Variants in MID2 observed in about 807,000 individuals in gnomAD.
The protein encoded by MID2 is midline 2, also known as probable E3 ubiquitin-protein ligase MID2.
Under a neutral mutation model 46.1 loss-of-function variants are expected in MID2, and 13 were observed. The ratio of observed to expected loss-of-function variants is 0.28; its 90% CI spans 0.18 to 0.45. The LOEUF is 0.45. MID2 is among the 20% of genes least tolerant of loss of function. The pLI, the probability that MID2 is intolerant of heterozygous loss-of-function variation, is 1.00. For synonymous variants in MID2, 199 were observed against 212.3 expected (o/e 0.94, Z 0.55); for missense variants, 431 against 575.4 (o/e 0.75, Z 2.57).
chrX:107,836,599 T>C (rs1293582857), intron 1 of MID2, among the ~76,000 whole-genome samples: 5 of 109,691 alleles, frequency 4.6e-5, no homozygotes, highest in Non-Finnish European at 9.5e-5. Context: ...TTTAGAGAGT[T>C]GTTGTGAAAA....
chrX:107,889,929 A>C (rs1354215895), intron 3 of MID2, among the ~76,000 whole-genome samples: 1 of 111,654 alleles, frequency 9.0e-6, no homozygotes, highest in Non-Finnish European at 1.9e-5. Context: ...AGGCTTGTGC[A>C]TTCATCACAT....
rs1422496660 is a variant in MID2 at position 107,924,416 on chromosome X, C to G, written c.1509C>G (p.Leu503=). 1.7e-6 allele frequency: 2 copies of G among 1,210,877 alleles called. No individual in the cohort carries two copies. The highest frequency in any genetic ancestry group is 5.9e-5 in the East Asian group (2 of 33,843). Residue 503 remains leucine (L), a synonymous_variant, in exon 8 of 10, where the codon CTC becomes CTG. Transcript: ENST00000262843. The part of the protein sequence containing the change: ...IKQNHYTVHG[L]QSGTRYIFIV... ...AGAACCATTACACAGTGCATGGACTCCAGAGCGGGACTCGCTACATCTTCA... is the reference window on the plus strand; with the variant it reads ...AGAACCATTACACAGTGCATGGACTGCAGAGCGGGACTCGCTACATCTTCA...
intron 3 of MID2, among the ~76,000 whole-genome samples, chrX:107,871,611 G>A (rs1446594779): frequency 1.8e-5 from 2 of 111,389 alleles, no homozygotes; most frequent in Non-Finnish European, 3.8e-5. Context: ...TGAACAAATT[G>A]GAGATGGTCA....
At chrX:107,881,798 G>A (rs191384184) in intron 3 of MID2, among the ~76,000 whole-genome samples, 151 of 112,240 alleles carry the variant, frequency 1.3e-3, no homozygotes, top group African/African-American at 4.7e-3. Context: ...ACTTTTTTAT[G>A]TAATCAGGAC....
intron 7 of MID2, among the ~76,000 whole-genome samples, 166 bp downstream of exon 7, chrX:107,917,905 CT>C (rs1331682657): frequency 8.9e-6 from 1 of 111,766 alleles, no homozygotes; most frequent in Non-Finnish European, 1.9e-5. Context: ...AACCCTTAGC[CT>C]TTCCTCAATT....
chrX:107,843,054 G>A (rs1335036579), intron 2 of MID2, among the ~76,000 whole-genome samples: 4 of 111,817 alleles, frequency 3.6e-5, no homozygotes, highest in Non-Finnish European at 7.5e-5. Flanking sequence ...TGTACATTTC[G>A]TGGTCATAGA....
intron 1 of MID2, among the ~76,000 whole-genome samples, chrX:107,838,984 C>G (rs35706580): frequency 0.21 from 22,522 of 109,637 alleles, 2,535 homozygotes; most frequent in African/African-American, 0.43. Context: ...GGTGGCATAC[C>G]CCTGGAGTTC....
At chrX:107,913,786 CT>C (rs1932925045) in intron 5 of MID2, among the ~76,000 whole-genome samples, 1 of 111,613 alleles carries the variant, frequency 9.0e-6, no homozygotes, top group Admixed American at 9.5e-5. Context: ...AATTTTGACC[CT>C]TTCCAATCCC....
intron 3 of MID2, among the ~76,000 whole-genome samples, chrX:107,884,851 A>T (rs1490303163): frequency 9.0e-6 from 1 of 111,710 alleles, no homozygotes; most frequent in East Asian, 2.8e-4. Context: ...CCTCATCCAT[A>T]AAATGCAGAC....
Position 107,895,384 on chromosome X carries a change from A to G in MID2, c.817-8574A>G, listed in dbSNP as rs1353843067. On this transcript the variant is annotated intron_variant, in intron 3 of 9. Coordinates refer to ENST00000262843, the MANE Select transcript of MID2 (RefSeq NM_012216.4). ...CACTGATATGTTCATCATTACTATA[A>G]TTTTCTCATTTCTAGAATGTTATGT... The G allele has an allele frequency of 5.4e-5, 6 of 111,280 alleles. No homozygotes were observed. In the South Asian group the frequency reaches 1.1e-3, roughly 21 times the overall value. 9.2% of individuals were successfully genotyped at this position (111,280 alleles called of 1,213,427 possible). A position where few individuals can be genotyped will look rare whatever the true frequency, so the allele number is the denominator to read the frequency against.
Position 107,891,330 on chromosome X carries a change from G to T in MID2, c.817-12628G>T, listed in dbSNP as rs1349177409. On this transcript the variant is annotated intron_variant, in intron 3 of 9. Transcript: ENST00000262843. Reference sequence around the variant, plus strand: ...GAGTCTCACCTTGTCACCCAGGCTGGAATGCAGTGGCGCAATCTCAGCTCA... The same window carrying T: ...GAGTCTCACCTTGTCACCCAGGCTGTAATGCAGTGGCGCAATCTCAGCTCA... Among the ~76,000 whole-genome samples, 24 of 104,373 alleles carry T rather than the reference G, an allele frequency of 2.3e-4. No homozygotes were observed. In the Admixed American group the frequency reaches 2.4e-3, roughly 10 times the overall value. 90.6% of individuals were successfully genotyped at this position (104,373 alleles called of 115,157 possible). A position where few individuals can be genotyped will look rare whatever the true frequency, so the allele number is the denominator to read the frequency against.
chrX:107,862,764 T>C (rs1931887512), intron 3 of MID2, among the ~76,000 whole-genome samples: 1 of 112,203 alleles, frequency 8.9e-6, no homozygotes, highest in Admixed American at 9.4e-5. Context: ...AATTTTGTAT[T>C]TGCGATTTAA....
intron 5 of MID2, among the ~76,000 whole-genome samples, chrX:107,906,333 C>T (rs1489805148): frequency 2.7e-5 from 3 of 111,223 alleles, no homozygotes; most frequent in African/African-American, 9.8e-5. Context: ...AGTGTTCCTC[C>T]CATTGCCTCT....
intron 3 of MID2, among the ~76,000 whole-genome samples, chrX:107,891,835 G>A (rs902321186): frequency 2.7e-5 from 3 of 111,371 alleles, no homozygotes; most frequent in Admixed American, 9.5e-5. Context: ...CAGCTTAGAA[G>A]CAACATAGGC....
At chrX:107,922,712 A>C (rs1428944470) in intron 7 of MID2, among the ~76,000 whole-genome samples, 1 of 112,018 alleles carries the variant, frequency 8.9e-6, no homozygotes, top group Non-Finnish European at 1.9e-5. Flanking sequence ...AGTGTACTGC[A>C]TATATACTAC....
chrX:107,925,993 T>G, intron 8 of MID2, 101 bp from the exon 9 acceptor site: 1 of 595,758 alleles, frequency 1.7e-6, no homozygotes. Context: ...AGTGATCATG[T>G]TATCGAGCAT....
At chrX:107,844,164 C>G (rs965432704) in intron 2 of MID2, among the ~76,000 whole-genome samples, 3 of 110,944 alleles carry the variant, frequency 2.7e-5, no homozygotes, top group African/African-American at 9.8e-5. Flanking sequence ...ATAAATAAAC[C>G]ATTATGTTAT....
intron 5 of MID2, among the ~76,000 whole-genome samples, chrX:107,914,720 A>G (rs1304533369): frequency 8.9e-6 from 1 of 112,415 alleles, no homozygotes; most frequent in Non-Finnish European, 1.9e-5. Flanking sequence ...AAACATGTAT[A>G]TTTTGGCAAA....
chrX:107,867,315 TA>T (rs1295937560), intron 3 of MID2, among the ~76,000 whole-genome samples: 1 of 98,504 alleles, frequency 1.0e-5, no homozygotes, highest in African/African-American at 4.8e-5. Context: ...CACGCCCAGC[TA>T]ATTTTTTTTT....
Sources: allele counts gnomAD v4.1 joint callset (sites outside exome capture counted in the v4.1 genomes callset), GRCh38; gene constraint gnomAD v4.1.1; transcripts MANE v1.5; gene names NCBI Gene and HGNC (gene_info 2026-07-23, HGNC 2026-07-21).